NT5C2: variants seen among roughly 807,000 people sequenced by gnomAD.
NT5C2 encodes the protein 5'-nucleotidase, cytosolic II, also known as cytosolic purine 5'-nucleotidase.
Under a neutral mutation model 76.1 loss-of-function variants are expected in NT5C2, and 58 were observed. The observed-to-expected ratio is 0.76, with a 90% confidence interval of 0.62 to 0.95. The LOEUF (loss-of-function observed/expected upper bound fraction) is 0.95, where lower values mean the gene tolerates loss of function less well. Ranked by LOEUF, NT5C2 falls within the 40% of genes least tolerant of loss-of-function variation. The probability of loss-of-function intolerance (pLI) is 0.00; values close to 1 mark genes in which losing one functional copy is unlikely to be tolerated. For synonymous variants in NT5C2, 229 were observed against 237.4 expected, an observed-to-expected ratio of 0.96 and a Z score of 0.32; for missense variants, 478 against 690.3, an observed-to-expected ratio of 0.69 and a Z score of 3.45.
At chr10:103,091,675 A>C (rs1325145729) in intron 15 of NT5C2, 60 bp from the exon 16 acceptor site, 2 of 1,373,194 alleles carry the variant, frequency 1.5e-6, no homozygotes, top group Non-Finnish European at 2.1e-6. Context: ...CTAGTTCTTA[A>C]CTGCTGCTAA....
chr10:103,169,015 A>AC (rs2087115118), intron 3 of NT5C2, among the ~76,000 whole-genome samples: 1 of 71,414 alleles, frequency 1.4e-5, no homozygotes, highest in Non-Finnish European at 3.2e-5. Context: ...GTTTCTATTT[A>AC]AAATTTTTAA....
chr10:103,149,846 G>T (rs1303795339), intron 3 of NT5C2, among the ~76,000 whole-genome samples: 1 of 147,092 alleles, frequency 6.8e-6, no homozygotes, highest in East Asian at 2.0e-4. Flanking sequence ...CTAAACGACA[G>T]CAACTCTAGT....
In NT5C2 at chr10:103,088,851, C is replaced by T. The variant is rs1311612144; in HGVS notation, c.*821G>A. On this transcript the variant is annotated 3_prime_UTR_variant, in exon 19 of 19. Coordinates refer to ENST00000404739, the MANE Select transcript of NT5C2 (RefSeq NM_001351169.2). ...ATCTGGAATTGGGTAGCATGAGCCA[C>T]AGCTATATAGCCCACACTAATGCAT... The T allele has an allele frequency of 1.0e-5, 2 of 199,776 alleles. No homozygotes were observed. The highest frequency in any genetic ancestry group is 6.0e-5 in the Admixed American group (1 of 16,592). 12.4% of individuals were successfully genotyped at this position (199,776 alleles called of 1,614,324 possible).
chr10:103,139,573 T>G, intron 3 of NT5C2, 94 bp from the exon 4 acceptor site: 1 of 890,058 alleles, frequency 1.1e-6, no homozygotes. Flanking sequence ...GTTTTCTCAT[T>G]TATTTTTCCA....
intron 8 of NT5C2, among the ~76,000 whole-genome samples, chr10:103,100,448 A>C (rs974569079): frequency 6.6e-6 from 1 of 152,142 alleles, no homozygotes; most frequent in African/African-American, 2.4e-5. Context: ...CTTTCCACCA[A>C]ATTTAGTGTC....
intron 3 of NT5C2, chr10:103,146,511 A>G (rs2133458443): frequency 1.5e-5 from 12 of 814,006 alleles, no homozygotes; most frequent in Non-Finnish European, 1.8e-5. Context: ...TGAGAGGGCA[A>G]ATTGAAATTA....
intron 3 of NT5C2, chr10:103,153,947 G>A (rs762938800): frequency 8.4e-5 from 19 of 226,880 alleles, no homozygotes; most frequent in South Asian, 4.8e-4. Flanking sequence ...AAACATCTGC[G>A]TTCACAAATA....
chr10:103,188,451 C>G (rs538767784), intron 1 of NT5C2, among the ~76,000 whole-genome samples: 48 of 152,206 alleles, frequency 3.2e-4, no homozygotes, highest in Middle Eastern at 6.8e-3. Context: ...ATACAATTTA[C>G]AGAAGAATAT....
At chr10:103,130,319 T>G (rs2077888299) in intron 4 of NT5C2, among the ~76,000 whole-genome samples, 1 of 151,802 alleles carries the variant, frequency 6.6e-6, no homozygotes, top group Non-Finnish European at 1.5e-5. Flanking sequence ...TTAAGGGCGG[T>G]GCAAGATGTG....
intron 1 of NT5C2, among the ~76,000 whole-genome samples, chr10:103,192,964 G>A (rs2092757563): frequency 6.6e-6 from 1 of 152,104 alleles, no homozygotes; most frequent in Non-Finnish European, 1.5e-5. Flanking sequence ...CGAGCGTGAC[G>A]TGGGCCGGAG....
intron 2 of NT5C2, among the ~76,000 whole-genome samples, chr10:103,180,814 TA>T (rs1331033552): frequency 6.6e-6 from 1 of 151,856 alleles, no homozygotes; most frequent in Non-Finnish European, 1.5e-5. Context: ...AGTAAATGGA[TA>T]AAAAAAATTA....
chr10:103,089,862 T>G lies in NT5C2; in HGVS notation c.1496A>C (p.Glu499Ala). 1 of 1,613,878 alleles carries G rather than the reference T, an allele frequency of 6.2e-7. No individual in the cohort carries two copies. The highest frequency in any genetic ancestry group is 8.5e-7 in the Non-Finnish European group (1 of 1,179,886). The change falls in exon 19 of 19, where the codon GAG becomes GCG. Residue 499 changes from glutamate to alanine, a missense_variant. Coordinates refer to ENST00000404739, the MANE Select transcript of NT5C2 (RefSeq NM_001351169.2). ...CCGGGTGGCAAGAGGAGACTCCATC[T>G]CATTGATATCTACGTGTGTGTGCTC... ...TVEHTHVDIN[E>A]MESPLATRNR...
intron 3 of NT5C2, among the ~76,000 whole-genome samples, chr10:103,173,216 C>T (rs796260809): frequency 1.1e-4 from 16 of 152,272 alleles, no homozygotes; most frequent in African/African-American, 3.6e-4. Flanking sequence ...GGAAACTTTG[C>T]TAATACCCAG....
chr10:103,104,350 A>G (rs990889310), intron 6 of NT5C2, among the ~76,000 whole-genome samples: 4 of 152,178 alleles, frequency 2.6e-5, no homozygotes, highest in Non-Finnish European at 5.9e-5. Context: ...AACTTATCCA[A>G]CTGCTTCTCT....
intron 3 of NT5C2, among the ~76,000 whole-genome samples, chr10:103,157,764 G>A (rs1422231386): frequency 1.3e-5 from 2 of 152,134 alleles, no homozygotes; most frequent in Non-Finnish European, 2.9e-5. Context: ...TGGAATGCAA[G>A]TACAAGTCAA....
intron 11 of NT5C2, among the ~76,000 whole-genome samples, chr10:103,096,452 T>C (rs1389200452): frequency 1.3e-5 from 2 of 152,226 alleles, no homozygotes; most frequent in African/African-American, 4.8e-5. Flanking sequence ...TTGCCAGTAC[T>C]ATAAATTTTT....
intron 1 of NT5C2, among the ~76,000 whole-genome samples, chr10:103,189,695 G>A (rs1211914784): frequency 2.4e-5 from 3 of 125,174 alleles, no homozygotes; most frequent in African/African-American, 9.0e-5. Flanking sequence ...TTTTTTTTTT[G>A]AGATGCTCTG....
intron 4 of NT5C2, among the ~76,000 whole-genome samples, chr10:103,113,039 A>T (rs960988495): frequency 2.0e-5 from 3 of 152,190 alleles, no homozygotes; most frequent in African/African-American, 7.2e-5. Context: ...ATCACAAATG[A>T]CCTAAAAAAG....
At chr10:103,116,534 A>T (rs913718188) in intron 4 of NT5C2, among the ~76,000 whole-genome samples, 1 of 151,730 alleles carries the variant, frequency 6.6e-6, no homozygotes, top group East Asian at 1.9e-4. Context: ...GCAATTAGTT[A>T]GAAGAGGCTT....
Sources: allele counts gnomAD v4.1 joint callset (sites outside exome capture counted in the v4.1 genomes callset), GRCh38; gene constraint gnomAD v4.1.1; transcripts MANE v1.5; gene names NCBI Gene and HGNC (gene_info 2026-07-23, HGNC 2026-07-21).